GRID1: variants seen among roughly 807,000 people sequenced by gnomAD.
The protein encoded by GRID1 is glutamate receptor ionotropic, delta-1.
A neutral mutation model predicts 98.0 loss-of-function variants in GRID1; 28 were observed. The observed-to-expected ratio is 0.29, with a 90% CI of 0.21 to 0.39. GRID1 has a LOEUF of 0.39. Ranked by LOEUF, GRID1 falls within the 10% of genes least tolerant of loss-of-function variation. The probability of loss-of-function intolerance (pLI) is 1.00; values close to 1 mark genes in which losing one functional copy is unlikely to be tolerated. For missense variants in GRID1, 1,111 were observed against 1,340.5 expected (o/e 0.83, Z 2.67); for synonymous variants, 553 against 538.5 (o/e 1.03, Z -0.37).
At chr10:86,163,523 G>A (rs1293330795) in intron 3 of GRID1, among the ~76,000 whole-genome samples, 1 of 151,548 alleles carries the variant, frequency 6.6e-6, no homozygotes, top group Non-Finnish European at 1.5e-5. Flanking sequence ...TTAATTTGAC[G>A]CATTTCTTAA....
intron 10 of GRID1, among the ~76,000 whole-genome samples, chr10:85,726,862 CTT>C (rs563710388): frequency 1.0e-3 from 157 of 152,224 alleles, no homozygotes; most frequent in African/African-American, 3.3e-3. Context: ...AACCCGGTAT[CTT>C]TACTAAAAAT....
chr10:85,767,860 C>T (rs1012957971), intron 8 of GRID1, among the ~76,000 whole-genome samples: 1 of 152,200 alleles, frequency 6.6e-6, no homozygotes. Flanking sequence ...GAGCTCTCTG[C>T]TCACAAAAGG....
chr10:85,707,792 G>T (rs1277583017), intron 12 of GRID1, among the ~76,000 whole-genome samples: 2 of 152,280 alleles, frequency 1.3e-5, no homozygotes, highest in African/African-American at 2.4e-5. Context: ...CATAAAAAAT[G>T]ATGAGTTCAT....
At chr10:86,207,469 C>T (rs574351635) in intron 2 of GRID1, among the ~76,000 whole-genome samples, 2 of 152,248 alleles carry the variant, frequency 1.3e-5, no homozygotes, top group South Asian at 2.1e-4. Context: ...CTGCAAGAGG[C>T]GCCCCTTGTA....
At chr10:85,644,182 T>G (rs889852926) in intron 13 of GRID1, 5 of 152,062 alleles carry the variant, frequency 3.3e-5, no homozygotes, top group Admixed American at 1.3e-4. Context: ...TTTGGAAGAG[T>G]AGGGAGGTGA....
chr10:85,973,166 T>G (rs929873123), intron 4 of GRID1, among the ~76,000 whole-genome samples: 8 of 152,340 alleles, frequency 5.3e-5, no homozygotes, highest in Admixed American at 2.0e-4. Flanking sequence ...TGCCTATTAA[T>G]TTGAATGAGG....
chr10:85,646,685 T>C (rs1214931150), intron 13 of GRID1: 1 of 163,654 alleles, frequency 6.1e-6, no homozygotes. Context: ...TCTCTGCCCT[T>C]ATCCCCATCT....
At chr10:86,020,696 G>A (rs1321455947) in intron 4 of GRID1, among the ~76,000 whole-genome samples, 1 of 152,160 alleles carries the variant, frequency 6.6e-6, no homozygotes, top group Non-Finnish European at 1.5e-5. Flanking sequence ...CATCATCTGA[G>A]GTCAGCCAGC....
intron 2 of GRID1, among the ~76,000 whole-genome samples, chr10:86,303,322 T>G (rs776632500): frequency 6.6e-6 from 1 of 152,242 alleles, no homozygotes; most frequent in Non-Finnish European, 1.5e-5. Context: ...CTTCTCTGTA[T>G]GTACAAAAAT....
intron 4 of GRID1, among the ~76,000 whole-genome samples, chr10:86,100,844 G>A (rs1176734622): frequency 3.9e-5 from 6 of 152,138 alleles, no homozygotes; most frequent in East Asian, 3.9e-4. Context: ...TGGCCTTGCC[G>A]AGATGCTGGC....
intron 5 of GRID1, among the ~76,000 whole-genome samples, chr10:85,900,688 G>A (rs1297028510): frequency 6.6e-6 from 1 of 152,198 alleles, no homozygotes. Context: ...AGCCTTGGCT[G>A]AGCTGTAATT....
chr10:85,835,890 A>C (rs1842908018), intron 8 of GRID1, among the ~76,000 whole-genome samples: 1 of 152,220 alleles, frequency 6.6e-6, no homozygotes, highest in Non-Finnish European at 1.5e-5. Context: ...CAAAAGGATG[A>C]TCCTTAAACA....
intron 4 of GRID1, among the ~76,000 whole-genome samples, chr10:86,047,101 A>T (rs941903272): frequency 6.6e-6 from 1 of 152,202 alleles, no homozygotes; most frequent in South Asian, 2.1e-4. Flanking sequence ...CATTCTCAAA[A>T]CTAATTAATC....
intron 4 of GRID1, among the ~76,000 whole-genome samples, chr10:85,936,141 G>A (rs1046376170): frequency 2.0e-5 from 3 of 152,138 alleles, no homozygotes; most frequent in African/African-American, 7.2e-5. Context: ...TCAACTTCAG[G>A]GAGTCAGGGA....
At chr10:85,774,190 T>A (rs1354028117) in intron 8 of GRID1, among the ~76,000 whole-genome samples, 1 of 152,164 alleles carries the variant, frequency 6.6e-6, no homozygotes, top group African/African-American at 2.4e-5. Context: ...AACTATCTGA[T>A]CTTTGACAAA....
intron 4 of GRID1, among the ~76,000 whole-genome samples, chr10:86,085,074 G>A (rs1844031177): frequency 6.6e-6 from 1 of 152,206 alleles, no homozygotes; most frequent in African/African-American, 2.4e-5. Context: ...AATAAAGAAA[G>A]AAGAGGAGTT....
At chr10:86,091,973 AG>A (rs1043786550) in intron 4 of GRID1, among the ~76,000 whole-genome samples, 1 of 152,218 alleles carries the variant, frequency 6.6e-6, no homozygotes, top group Admixed American at 6.5e-5. Context: ...ATGGGACAAA[AG>A]AATCTGAACA....
chr10:85,766,001 A>T (rs1027533095), intron 8 of GRID1, among the ~76,000 whole-genome samples: 3 of 152,210 alleles, frequency 2.0e-5, no homozygotes, highest in Non-Finnish European at 4.4e-5. Flanking sequence ...TGCTGACTCA[A>T]CTGGTCTCAT....
At chr10:86,075,471 C>T (rs1346666947) in intron 4 of GRID1, among the ~76,000 whole-genome samples, 1 of 152,072 alleles carries the variant, frequency 6.6e-6, no homozygotes, top group African/African-American at 2.4e-5. Flanking sequence ...ATCCCCCTCA[C>T]AGCCCTCAGA....
Sources: allele counts gnomAD v4.1 joint callset (sites outside exome capture counted in the v4.1 genomes callset), GRCh38; gene constraint gnomAD v4.1.1; transcripts MANE v1.5; gene names NCBI Gene and HGNC (gene_info 2026-07-23, HGNC 2026-07-21).